Variants in PAPOLA observed in about 807,000 individuals in gnomAD.
The protein encoded by PAPOLA is polynucleotide adenylyltransferase alpha.
A neutral mutation model predicts 100.6 loss-of-function variants in PAPOLA; 15 were observed. The ratio of observed to expected loss-of-function variants is 0.15; its 90% CI spans 0.10 to 0.23. The LOEUF (loss-of-function observed/expected upper bound fraction) is 0.23, where lower values mean the gene tolerates loss of function less well. Among genes scored for constraint, PAPOLA ranks in the 10% least tolerant of loss-of-function variants. The pLI is 1.00. For missense variants in PAPOLA, 533 were observed against 884.2 expected (o/e 0.60, Z 5.04); for synonymous variants, 293 against 300.0 (o/e 0.98, Z 0.24).
chr14:96,543,425 A>T (rs948638366), intron 14 of PAPOLA, among the ~76,000 whole-genome samples: 1 of 152,086 alleles, frequency 6.6e-6, no homozygotes, highest in Admixed American at 6.6e-5. Context: ...TTCGTATGAG[A>T]CTAGACTCTA....
chr14:96,527,660 A>C (rs1898609133), intron 5 of PAPOLA, 121 bp downstream of exon 5: 11 of 640,856 alleles, frequency 1.7e-5, no homozygotes, highest in Non-Finnish European at 2.8e-5. Context: ...CTTTCTAAAC[A>C]CTTGGCATAT....
chr14:96,514,336 G>A (rs1338996359), intron 1 of PAPOLA, among the ~76,000 whole-genome samples: 1 of 151,832 alleles, frequency 6.6e-6, no homozygotes, highest in African/African-American at 2.4e-5. Context: ...ACCACGCCCG[G>A]CTAATTTTTT....
chr14:96,546,579 A>G (rs1281915241), intron 15 of PAPOLA, among the ~76,000 whole-genome samples: 1 of 152,098 alleles, frequency 6.6e-6, no homozygotes. Flanking sequence ...AAGGGTAATA[A>G]AGTTAGTAAG....
chr14:96,566,646 T>C lies in PAPOLA; in HGVS notation c.*1596T>C, dbSNP rs1030143883. On this transcript the variant is annotated 3_prime_UTR_variant, in exon 22 of 22. Transcript: ENST00000216277. ...TTCTTTTCACCATGACTTTATAATG[T>C]CTAGTAAACAATATTTCTACTTCCC... 2.0e-5 allele frequency: 3 copies of C among 152,564 alleles called. No homozygotes were observed. The highest frequency in any genetic ancestry group is 7.2e-5 in the African/African-American group (3 of 41,444). 9.5% of individuals were successfully genotyped at this position (152,564 alleles called of 1,614,324 possible). A position where few individuals can be genotyped will look rare whatever the true frequency, so the allele number is the denominator to read the frequency against.
intron 1 of PAPOLA, 153 bp downstream of exon 1, chr14:96,502,753 G>C: frequency 1.3e-6 from 1 of 753,776 alleles, no homozygotes; most frequent in South Asian, 2.4e-5. Flanking sequence ...CTGTTTCCTC[G>C]CTCGCTCGCC....
chr14:96,550,966 A>G (rs1900802510), intron 16 of PAPOLA, among the ~76,000 whole-genome samples: 2 of 152,176 alleles, frequency 1.3e-5, no homozygotes, highest in Admixed American at 1.3e-4. Flanking sequence ...AGGGGTTGAG[A>G]ACCTTGCCCT....
chr14:96,532,486 C>CT lies in PAPOLA; in HGVS notation c.698-20dup, dbSNP rs764148220. 1.0e-4 allele frequency: 167 copies of CT among 1,604,756 alleles called. 2 individuals are homozygous for CT. In the Admixed American group the frequency reaches 1.8e-3, roughly 17 times the overall value. On this transcript the variant is annotated intron_variant, in intron 8 of 21. Transcript: ENST00000216277. Reference sequence around the variant, plus strand: ...AAACTTTTGTTCAACACTAACTTATCTTTTTGCTTTTCCCTTATCAACAGG... The same window carrying CT: ...AAACTTTTGTTCAACACTAACTTATCTTTTTTGCTTTTCCCTTATCAACAGG...
intron 7 of PAPOLA, chr14:96,532,016 T>G (rs1206928324): frequency 1.6e-6 from 2 of 1,244,102 alleles, no homozygotes; most frequent in African/African-American, 3.1e-5. Context: ...TTTAGTGGAT[T>G]AAGTCTTCCG....
intron 2 of PAPOLA, 32 bp from the exon 3 acceptor site, chr14:96,520,974 G>T (rs1897914940): frequency 1.0e-6 from 1 of 966,020 alleles, no homozygotes; most frequent in South Asian, 1.3e-5. Context: ...TAATGATCTG[G>T]AATACTTGAT....
chr14:96,544,070 A>G (rs375808441), intron 14 of PAPOLA, 79 bp from the exon 15 acceptor site: 12 of 786,410 alleles, frequency 1.5e-5, no homozygotes, highest in South Asian at 1.4e-4. Context: ...AAGTTTTTCC[A>G]TGTCTCTGAT....
At chr14:96,503,494 C>G (rs761648456) in intron 1 of PAPOLA, among the ~76,000 whole-genome samples, 1 of 151,898 alleles carries the variant, frequency 6.6e-6, no homozygotes, top group East Asian at 1.9e-4. Flanking sequence ...AATTTGGCAG[C>G]TCATTGCCAG....
intron 16 of PAPOLA, among the ~76,000 whole-genome samples, chr14:96,551,369 A>T (rs190401049): frequency 2.6e-5 from 4 of 152,330 alleles, no homozygotes; most frequent in African/African-American, 7.2e-5. Flanking sequence ...AGAGATACTC[A>T]TTTATAATAT....
At chr14:96,534,950 TGTTAC>T in intron 10 of PAPOLA, 2 of 991,988 alleles carry the variant, frequency 2.0e-6, no homozygotes, top group Non-Finnish European at 2.4e-6. Flanking sequence ...ATAGGAAAGC[TGTTAC>T]TTAATGTTTA....
chr14:96,506,923 T>C (rs1896754924), intron 1 of PAPOLA, among the ~76,000 whole-genome samples: 1 of 152,234 alleles, frequency 6.6e-6, no homozygotes, highest in South Asian at 2.1e-4. Flanking sequence ...TGTGGAGTTC[T>C]GGTGTAGTAT....
chr14:96,559,169 T>A (rs1192575891), intron 19 of PAPOLA, among the ~76,000 whole-genome samples: 1 of 152,084 alleles, frequency 6.6e-6, no homozygotes, highest in Non-Finnish European at 1.5e-5. Flanking sequence ...AAGAACTTGC[T>A]GTTTAGTGGC....
At chr14:96,557,569 G>GT (rs58555673) in intron 19 of PAPOLA, among the ~76,000 whole-genome samples, 2,010 of 139,594 alleles carry the variant, frequency 0.014, 17 homozygotes, top group African/African-American at 0.019. Flanking sequence ...ATTTCATTGT[G>GT]TTTTTTTTTT....
chr14:96,517,976 T>C (rs1339846861), intron 1 of PAPOLA, among the ~76,000 whole-genome samples: 2 of 152,146 alleles, frequency 1.3e-5, no homozygotes, highest in Non-Finnish European at 2.9e-5. Flanking sequence ...TTTGCTGGGA[T>C]TACAAGTGTG....
chr14:96,557,981 A>C (rs1901504384), intron 19 of PAPOLA, among the ~76,000 whole-genome samples: 1 of 151,930 alleles, frequency 6.6e-6, no homozygotes, highest in Non-Finnish European at 1.5e-5. Context: ...AGTATTTTTG[A>C]TCCATGGTTG....
intron 5 of PAPOLA, 110 bp downstream of exon 5, chr14:96,527,649 C>A: frequency 1.5e-6 from 1 of 664,250 alleles, no homozygotes; most frequent in Non-Finnish European, 2.7e-6. Flanking sequence ...ATTTGCCAAA[C>A]CTTTCTAAAC....
Sources: gnomAD v4.1 joint callset for allele counts (sites outside exome capture counted in the v4.1 genomes callset) on GRCh38, gnomAD v4.1.1 for gene constraint, MANE v1.5 for transcripts, NCBI Gene and HGNC (gene_info 2026-07-23, HGNC 2026-07-21) for gene names.